Variants in SLC38A6 observed in about 807,000 individuals in gnomAD.
SLC38A6 encodes the protein solute carrier family 38 member 6.
In SLC38A6, 73 loss-of-function variants were observed where a neutral mutation model predicts 65.0. The ratio of observed to expected loss-of-function variants is 1.12; its 90% CI spans 0.93 to 1.37. The LOEUF (loss-of-function observed/expected upper bound fraction) is 1.37. SLC38A6 is among the 40% of genes most tolerant of loss of function. The probability of loss-of-function intolerance (pLI) is 0.00; values close to 1 mark genes in which losing one functional copy is unlikely to be tolerated. For synonymous variants in SLC38A6, 183 were observed against 178.8 expected, an observed-to-expected ratio of 1.02 and a Z score of -0.19; for missense variants, 561 against 531.1, an observed-to-expected ratio of 1.06 and a Z score of -0.55.
chr14:61,031,638 T>C (rs978326550), intron 6 of SLC38A6, among the ~76,000 whole-genome samples: 1 of 152,094 alleles, frequency 6.6e-6, no homozygotes, highest in Non-Finnish European at 1.5e-5. Flanking sequence ...CCTTATTTTA[T>C]CTACAGCTTT....
intron 15 of SLC38A6, among the ~76,000 whole-genome samples, chr14:61,066,395 A>G (rs2043018964): frequency 6.6e-6 from 1 of 152,184 alleles, no homozygotes; most frequent in African/African-American, 2.4e-5. Context: ...AGGACAAGCA[A>G]TTATAAGGAA....
At chr14:61,077,128 T>G (rs180760664) in intron 15 of SLC38A6, among the ~76,000 whole-genome samples, 1 of 152,328 alleles carries the variant, frequency 6.6e-6, no homozygotes, top group Admixed American at 6.5e-5. Flanking sequence ...CTTGCCACTT[T>G]CAATATAAAA....
At chr14:61,039,283 G>A (rs149305358) in intron 8 of SLC38A6, among the ~76,000 whole-genome samples, 131 of 152,212 alleles carry the variant, frequency 8.6e-4, no homozygotes, top group African/African-American at 3.0e-3. Flanking sequence ...TTACCTGTGA[G>A]CACAGTTTAA....
intron 15 of SLC38A6, among the ~76,000 whole-genome samples, chr14:61,068,740 A>G (rs755386542): frequency 1.3e-5 from 2 of 152,204 alleles, no homozygotes; most frequent in African/African-American, 4.8e-5. Context: ...GTCTGTGTCC[A>G]CTAGACTGAA....
At chr14:61,021,678 C>T (rs1044739910) in intron 5 of SLC38A6, among the ~76,000 whole-genome samples, 6 of 152,066 alleles carry the variant, frequency 3.9e-5, no homozygotes, top group Admixed American at 3.9e-4. Context: ...AGAGTGGTCA[C>T]AGCAGTTTTT....
At chr14:61,073,859 C>A (rs2043310781) in intron 15 of SLC38A6, 2 of 151,608 alleles carry the variant, frequency 1.3e-5, no homozygotes, top group African/African-American at 2.4e-5. Context: ...CAAGACCAAC[C>A]CCTCCCCTGC....
intron 8 of SLC38A6, among the ~76,000 whole-genome samples, chr14:61,040,214 C>T (rs1481499639): frequency 6.6e-6 from 1 of 151,974 alleles, no homozygotes; most frequent in Non-Finnish European, 1.5e-5. Context: ...TCCAGTCACC[C>T]AGACTGGAGT....
chr14:60,992,177 T>TGAGAGGA (rs2037949088), intron 3 of SLC38A6, among the ~76,000 whole-genome samples: 1 of 152,192 alleles, frequency 6.6e-6, no homozygotes, highest in Non-Finnish European at 1.5e-5. Flanking sequence ...CAAAAATAGG[T>TGAGAGGA]TGACGACTCT....
At chr14:60,986,582 C>G (rs1204843217) in intron 3 of SLC38A6, among the ~76,000 whole-genome samples, 1 of 152,132 alleles carries the variant, frequency 6.6e-6, no homozygotes, top group Non-Finnish European at 1.5e-5. Context: ...AATATTAATC[C>G]TAAAGTAACA....
chr14:61,014,105 A>G (rs2039805274), intron 3 of SLC38A6, among the ~76,000 whole-genome samples: 1 of 151,830 alleles, frequency 6.6e-6, no homozygotes, highest in South Asian at 2.1e-4. Flanking sequence ...TTTTCTCTAA[A>G]CTTCTCTTCT....
At chr14:61,045,303 A>T in intron 10 of SLC38A6, 43 bp from the exon 11 acceptor site, 1 of 1,224,688 alleles carries the variant, frequency 8.2e-7, no homozygotes, top group Non-Finnish European at 1.2e-6. Flanking sequence ...TGGTTTCAGT[A>T]GAGTGGCATT....
intron 15 of SLC38A6, among the ~76,000 whole-genome samples, chr14:61,069,260 C>T (rs1280030148): frequency 2.6e-5 from 4 of 152,050 alleles, no homozygotes; most frequent in African/African-American, 2.4e-5. Flanking sequence ...CTCTGGTCTC[C>T]TTGGAATCCT....
intron 15 of SLC38A6, among the ~76,000 whole-genome samples, chr14:61,069,691 A>G (rs1594785804): frequency 6.6e-6 from 1 of 152,294 alleles, no homozygotes; most frequent in African/African-American, 2.4e-5. Context: ...TTATTTTGGT[A>G]TACCATTAGT....
At chr14:61,074,535 T>A (rs1190145422) in intron 15 of SLC38A6, among the ~76,000 whole-genome samples, 2 of 151,808 alleles carry the variant, frequency 1.3e-5, no homozygotes, top group Non-Finnish European at 2.9e-5. Context: ...ATTATGAGGG[T>A]CTCACCCTCA....
intron 6 of SLC38A6, among the ~76,000 whole-genome samples, chr14:61,032,487 A>G (rs940784105): frequency 2.6e-5 from 4 of 151,794 alleles, no homozygotes; most frequent in Non-Finnish European, 4.4e-5. Flanking sequence ...CTTCCATCTC[A>G]TTCATATTAA....
intron 3 of SLC38A6, among the ~76,000 whole-genome samples, chr14:60,985,937 C>A (rs965536545): frequency 6.6e-6 from 1 of 152,194 alleles, no homozygotes; most frequent in Non-Finnish European, 1.5e-5. Context: ...TAACAACCAG[C>A]TCTCATGAAA....
intron 15 of SLC38A6, among the ~76,000 whole-genome samples, chr14:61,076,523 G>C (rs1184150882): frequency 4.6e-5 from 7 of 152,140 alleles, no homozygotes; most frequent in Non-Finnish European, 1.0e-4. Flanking sequence ...TCCTTAAGAT[G>C]CCATCCTAAG....
intron 8 of SLC38A6, among the ~76,000 whole-genome samples, chr14:61,038,862 A>G (rs1461963411): frequency 6.6e-6 from 1 of 152,210 alleles, no homozygotes; most frequent in African/African-American, 2.4e-5. Context: ...TGTCTGACTT[A>G]TATCTTACAG....
At chr14:61,030,607 T>G in intron 6 of SLC38A6, 84 bp downstream of exon 6, 1 of 915,392 alleles carries the variant, frequency 1.1e-6, no homozygotes, top group Non-Finnish European at 1.7e-6. Context: ...ATACTTGTAG[T>G]GGCAGGTAAA....
Sources: gnomAD v4.1 joint callset for allele counts (sites outside exome capture counted in the v4.1 genomes callset) on GRCh38, gnomAD v4.1.1 for gene constraint, MANE v1.5 for transcripts, NCBI Gene and HGNC (gene_info 2026-07-23, HGNC 2026-07-21) for gene names.